CDH13: variants seen among roughly 807,000 people sequenced by gnomAD.
CDH13 encodes the protein cadherin 13.
In CDH13, 24 loss-of-function variants were observed where a neutral mutation model predicts 63.8. The ratio of observed to expected loss-of-function variants is 0.38; its 90% CI spans 0.27 to 0.53. CDH13 has a LOEUF of 0.53. Among genes scored for constraint, CDH13 ranks in the 20% least tolerant of loss-of-function variants. The pLI, the probability that CDH13 is intolerant of heterozygous loss-of-function variation, is 0.85. For synonymous variants in CDH13, 503 were observed against 355.3 expected, an observed-to-expected ratio of 1.42 and a Z score of -4.67; for missense variants, 1,049 against 903.1, an observed-to-expected ratio of 1.16 and a Z score of -2.07.
chr16:82,732,478 G>A (rs767707534), intron 1 of CDH13, among the ~76,000 whole-genome samples: 2 of 152,130 alleles, frequency 1.3e-5, no homozygotes, highest in African/African-American at 4.8e-5. Context: ...GTTATTGACT[G>A]TCTCTTTAAA....
intron 8 of CDH13, among the ~76,000 whole-genome samples, chr16:83,648,030 C>G (rs1053562639): frequency 6.6e-6 from 1 of 152,146 alleles, no homozygotes; most frequent in Admixed American, 6.5e-5. Context: ...GTCTAGTGAC[C>G]ACACCTTTTT....
chr16:83,389,926 C>G (rs1183678), intron 6 of CDH13, among the ~76,000 whole-genome samples: 2 of 152,214 alleles, frequency 1.3e-5, no homozygotes, highest in Admixed American at 6.5e-5. Flanking sequence ...GGGAGTCTCT[C>G]CAACGCTTTA....
intron 8 of CDH13, among the ~76,000 whole-genome samples, chr16:83,618,835 A>G (rs1567808898): frequency 1.3e-5 from 2 of 152,208 alleles, no homozygotes; most frequent in Non-Finnish European, 2.9e-5. Context: ...GTGAGTTAAA[A>G]AAAAAAATGA....
At chr16:82,901,117 C>T (rs577400888) in intron 2 of CDH13, among the ~76,000 whole-genome samples, 2 of 150,160 alleles carry the variant, frequency 1.3e-5, no homozygotes, top group East Asian at 2.0e-4. Flanking sequence ...AGAAAGAGAG[C>T]ATGATCTCCT....
chr16:83,737,603 C>A (rs1911658499), intron 10 of CDH13, among the ~76,000 whole-genome samples: 1 of 152,158 alleles, frequency 6.6e-6, no homozygotes, highest in South Asian at 2.1e-4. Context: ...GGGACATAGA[C>A]CTGGTTTCCA....
At chr16:82,730,880 TA>T (rs1413200732) in intron 1 of CDH13, among the ~76,000 whole-genome samples, 1 of 152,210 alleles carries the variant, frequency 6.6e-6, no homozygotes, top group Non-Finnish European at 1.5e-5. Flanking sequence ...CAGCTATCAT[TA>T]AAAATTAAAT....
chr16:83,710,987 C>T (rs12934910), intron 10 of CDH13, among the ~76,000 whole-genome samples: 18,609 of 152,190 alleles, frequency 0.12, 1,536 homozygotes, highest in African/African-American at 0.24. Flanking sequence ...TACTGGGACT[C>T]AACCTGGGGA....
At chr16:83,739,231 G>A (rs967504286) in intron 10 of CDH13, among the ~76,000 whole-genome samples, 2 of 152,004 alleles carry the variant, frequency 1.3e-5, no homozygotes, top group Admixed American at 1.3e-4. Flanking sequence ...CTAATGCCAT[G>A]TGGAGGGTGT....
At chr16:83,025,425 A>G (rs946068677) in intron 2 of CDH13, among the ~76,000 whole-genome samples, 1 of 152,198 alleles carries the variant, frequency 6.6e-6, no homozygotes, top group African/African-American at 2.4e-5. Flanking sequence ...AAGCAAACAC[A>G]TCCTTCTTCA....
At chr16:83,033,439 T>C (rs1315644361) in intron 3 of CDH13, among the ~76,000 whole-genome samples, 1 of 152,200 alleles carries the variant, frequency 6.6e-6, no homozygotes, top group Non-Finnish European at 1.5e-5. Flanking sequence ...TGACTTTTGG[T>C]GACTTCAGTA....
At chr16:82,875,519 G>A (rs777327239) in intron 2 of CDH13, among the ~76,000 whole-genome samples, 2 of 152,128 alleles carry the variant, frequency 1.3e-5, no homozygotes, top group East Asian at 1.9e-4. Context: ...CATAGAATTA[G>A]GACAGTGCTT....
chr16:83,711,501 T>C (rs1241960524), intron 10 of CDH13, among the ~76,000 whole-genome samples: 2 of 152,108 alleles, frequency 1.3e-5, no homozygotes, highest in Non-Finnish European at 2.9e-5. Context: ...GGGTTTTTTA[T>C]TTTTTGGTTT....
chr16:83,736,356 G>C (rs1253199775), intron 10 of CDH13, among the ~76,000 whole-genome samples: 1 of 152,044 alleles, frequency 6.6e-6, no homozygotes, highest in Non-Finnish European at 1.5e-5. Context: ...AATATGTTAA[G>C]GTCCTAGTCT....
intron 6 of CDH13, among the ~76,000 whole-genome samples, chr16:83,482,289 A>G (rs955019455): frequency 6.6e-6 from 1 of 152,220 alleles, no homozygotes; most frequent in Non-Finnish European, 1.5e-5. Context: ...ACAACAGTCT[A>G]TACCCTCCAA....
intron 2 of CDH13, among the ~76,000 whole-genome samples, chr16:83,014,798 ATATATG>A (rs1328858791): frequency 2.6e-5 from 2 of 75,806 alleles, no homozygotes; most frequent in African/African-American, 4.5e-5. Context: ...ATTTGTATAT[ATATATG>A]TATATATATT....
chr16:83,774,824 G>C (rs1285046178), intron 11 of CDH13, among the ~76,000 whole-genome samples: 2 of 152,202 alleles, frequency 1.3e-5, no homozygotes, highest in Admixed American at 1.3e-4. Context: ...CAGAGTTTCA[G>C]TTTTGCATGG....
At chr16:83,084,660 G>A (rs554705896) in intron 3 of CDH13, among the ~76,000 whole-genome samples, 114 of 152,274 alleles carry the variant, frequency 7.5e-4, no homozygotes, top group African/African-American at 2.7e-3. Context: ...AGGCTGAGGT[G>A]GGTGGATCAC....
intron 5 of CDH13, among the ~76,000 whole-genome samples, chr16:83,248,889 T>A (rs182147863): frequency 6.6e-6 from 1 of 152,350 alleles, no homozygotes; most frequent in Admixed American, 6.5e-5. Context: ...TGTGATGTGA[T>A]GTGATCTTCC....
At chr16:83,455,333 C>A (rs57185944) in intron 6 of CDH13, among the ~76,000 whole-genome samples, 1 of 152,040 alleles carries the variant, frequency 6.6e-6, no homozygotes, top group Non-Finnish European at 1.5e-5. Context: ...CAACCAATGA[C>A]AGCTGTTTCT....
Sources: allele counts gnomAD v4.1 joint callset (sites outside exome capture counted in the v4.1 genomes callset), GRCh38; gene constraint gnomAD v4.1.1; transcripts MANE v1.5; gene names NCBI Gene and HGNC (gene_info 2026-07-23, HGNC 2026-07-21).